PWP1: variants seen among roughly 807,000 people sequenced by gnomAD.
PWP1 encodes PWP1 homolog, endonuclein, also known as periodic tryptophan protein 1 homolog.
A neutral mutation model predicts 69.9 loss-of-function variants in PWP1; 47 were observed. That is an observed-to-expected ratio of 0.67 (90% confidence interval 0.53 to 0.86). PWP1 has a LOEUF of 0.86. Among genes scored for constraint, PWP1 ranks in the 40% least tolerant of loss-of-function variants. The pLI, the probability that PWP1 is intolerant of heterozygous loss-of-function variation, is 0.00. For synonymous variants in PWP1, 222 were observed against 208.2 expected, an observed-to-expected ratio of 1.07 and a Z score of -0.57; for missense variants, 551 against 608.8, an observed-to-expected ratio of 0.91 and a Z score of 1.00.
chr12:107,696,702 T>C (rs1435515024), intron 6 of PWP1, 118 bp downstream of exon 6: 1 of 1,461,480 alleles, frequency 6.8e-7, no homozygotes, highest in Non-Finnish European at 9.1e-7. Context: ...TTTCTGAAGT[T>C]ACTGTTATTT....
rs550596903 is a variant in PWP1 at position 107,705,987 on chromosome 12, A to G, written c.1077+1240A>G. Among the ~76,000 whole-genome samples the G allele has an allele frequency of 3.9e-5, 6 of 152,316 alleles. 1 individual carries two copies. Among genetic ancestry groups the G allele is most frequent in the African/African-American group, 1.2e-4 (5 of 41,566 alleles). On this transcript the variant is annotated intron_variant, in intron 11 of 14. Coordinates refer to ENST00000412830, the MANE Select transcript of PWP1 (RefSeq NM_007062.3). ...AGGAATTGCCATACTGTCTTCCACA[A>G]TGGTTGAACTAGTTTACAGTCCCAC...
chr12:107,691,909 G>A (rs987990818), intron 3 of PWP1, among the ~76,000 whole-genome samples: 7 of 152,194 alleles, frequency 4.6e-5, no homozygotes, highest in African/African-American at 1.7e-4. Context: ...CACAGCTGGT[G>A]AAAGACGGTG....
chr12:107,707,360 C>T (rs1889843816), intron 11 of PWP1, among the ~76,000 whole-genome samples: 1 of 152,104 alleles, frequency 6.6e-6, no homozygotes, highest in Admixed American at 6.5e-5. Flanking sequence ...AATTTGACTT[C>T]CTCTTTTCCT....
intron 11 of PWP1, among the ~76,000 whole-genome samples, chr12:107,708,055 G>C (rs557982576): frequency 6.6e-5 from 10 of 152,274 alleles, no homozygotes; most frequent in African/African-American, 2.4e-4. Flanking sequence ...TGCTGTTCTA[G>C]CCAGGCAGCC....
chr12:107,686,969 C>CAA (rs61728433), intron 1 of PWP1, among the ~76,000 whole-genome samples: 72 of 106,840 alleles, frequency 6.7e-4, no homozygotes, highest in Non-Finnish European at 8.6e-4. Context: ...GACTCCGTCT[C>CAA]AAAAAAAAAA....
intron 8 of PWP1, among the ~76,000 whole-genome samples, chr12:107,702,257 C>CT (rs1889728922): frequency 6.6e-6 from 1 of 150,452 alleles, no homozygotes; most frequent in Non-Finnish European, 1.5e-5. Context: ...TTTTTTAAGT[C>CT]TAATACTAAT....
In PWP1 at chr12:107,710,463, G is replaced by T; in HGVS notation, c.1349G>T (p.Gly450Val). Residue 450 changes from glycine to valine, a missense_variant, in exon 14 of 15, where the codon GGT (glycine) becomes GTT (valine). Physicochemically the swap from Gly to Val is moderately radical, Grantham distance 109 (BLOSUM62 -3). Transcript: ENST00000412830. ...PDLPFIYAFG[G>V]QKEGLRVWDI... is the part of the protein sequence containing the mutation. Reference sequence around the variant, plus strand: ...TTGCCATTTATTTATGCCTTTGGAGGTCAAAAAGAAGGGCTTCGGGTCTGG... The same window carrying T: ...TTGCCATTTATTTATGCCTTTGGAGTTCAAAAAGAAGGGCTTCGGGTCTGG... 1.2e-6 allele frequency: 2 copies of T among 1,600,196 alleles called. No homozygotes were observed. The highest frequency in any genetic ancestry group is 1.7e-6 in the Non-Finnish European group (2 of 1,171,260).
At chr12:107,688,157 A>G (rs1228806631) in intron 1 of PWP1, among the ~76,000 whole-genome samples, 2 of 151,908 alleles carry the variant, frequency 1.3e-5, no homozygotes, top group East Asian at 3.9e-4. Context: ...TTGGAAGAAA[A>G]CCAGACGAGT....
Position 107,699,365 on chromosome 12 carries a change from T to C in PWP1, c.745-8T>C. On this transcript the variant is annotated splice_polypyrimidine_tract_variant and splice_region_variant and intron_variant, in intron 7 of 14. Transcript: ENST00000412830. Reference sequence around the variant, plus strand: ...TAATACAAAAAATAATTAAAACAATTATTACAGAGTTCCTCAGCAGAAGGG... The same window carrying C: ...TAATACAAAAAATAATTAAAACAATCATTACAGAGTTCCTCAGCAGAAGGG... 6.2e-7 allele frequency: 1 copy of C among 1,606,238 alleles called. No individual in the cohort carries two copies. The highest frequency in any genetic ancestry group is 1.1e-5 in the South Asian group (1 of 90,094).
chr12:107,710,932 C>A (rs577650439), intron 14 of PWP1, among the ~76,000 whole-genome samples: 4 of 147,256 alleles, frequency 2.7e-5, no homozygotes, highest in Non-Finnish European at 6.0e-5. Flanking sequence ...GAGACCAGCT[C>A]GGTTGGGGAG....
chr12:107,695,153 C>G, intron 5 of PWP1, among the ~76,000 whole-genome samples: 1 of 150,852 alleles, frequency 6.6e-6, no homozygotes, highest in Non-Finnish European at 1.5e-5. Flanking sequence ...GTAGTCCCAG[C>G]TACTCGGGAG....
chr12:107,706,599 G>A (rs1889829357), intron 11 of PWP1, among the ~76,000 whole-genome samples: 1 of 152,196 alleles, frequency 6.6e-6, no homozygotes, highest in Admixed American at 6.5e-5. Context: ...AAGGGATCCA[G>A]TTTCAGCTTT....
rs1889890041 is a variant in PWP1, at chr12:107,709,134, A to G, written c.1192A>G (p.Lys398Glu). 1.2e-6 allele frequency: 2 copies of G among 1,613,884 alleles called. No individual in the cohort carries two copies. Among genetic ancestry groups the G allele is most frequent in the Non-Finnish European group, 8.5e-7 (1 of 1,179,938 alleles). The change falls in exon 13 of 15, where the codon AAG (lysine) becomes GAG (glutamate). Residue 398 changes from lysine to glutamate, a missense_variant. Physicochemically the swap from Lys to Glu is moderately conservative, Grantham distance 56. Transcript: ENST00000412830. Reference sequence around the variant, plus strand: ...AGGTCTTGATCTTAGCAGTCAAATCAAGGGCTGTCTCGTGACTGCTTCAGC... The same window carrying G: ...AGGTCTTGATCTTAGCAGTCAAATCGAGGGCTGTCTCGTGACTGCTTCAGC... ...ISGLDLSSQI[K>E]GCLVTASADK...
chr12:107,705,388 AAATTT>A (rs1207872080), intron 11 of PWP1, among the ~76,000 whole-genome samples: 4 of 148,574 alleles, frequency 2.7e-5, no homozygotes, highest in African/African-American at 9.9e-5. Flanking sequence ...TTTTTTTTTT[AAATTT>A]AAGTTCTAGG....
rs146687104 is a variant in PWP1 at position 107,697,143 on chromosome 12, A to G, written c.614-324A>G. Among the ~76,000 whole-genome samples, 849 of 152,238 alleles carry G rather than the reference A, an allele frequency of 5.6e-3. 13 individuals are homozygous for G. Among genetic ancestry groups the G allele is most frequent in the African/African-American group, 0.02 (812 of 41,548 alleles). The stretch of plus-strand genomic sequence containing the variant: ...CTGATCTTCATCCCCACAGCACCCC[A>G]TGAAGGAGGACGGGAGGAGGGTTAT... On this transcript the variant is annotated intron_variant, in intron 6 of 14. Transcript: ENST00000412830.
chr12:107,707,882 C>T (rs989143333), intron 11 of PWP1, among the ~76,000 whole-genome samples: 8 of 151,918 alleles, frequency 5.3e-5, no homozygotes, highest in Non-Finnish European at 1.0e-4. Flanking sequence ...GTGTCTCTGC[C>T]GGGCTTTGGT....
intron 1 of PWP1, among the ~76,000 whole-genome samples, chr12:107,686,404 G>A (rs1889366005): frequency 6.6e-6 from 1 of 152,246 alleles, no homozygotes; most frequent in Non-Finnish European, 1.5e-5. Context: ...GAAGGAGTGA[G>A]GATGAATGTG....
At chr12:107,708,345 G>A (rs1217324388) in intron 11 of PWP1, among the ~76,000 whole-genome samples, 1 of 152,046 alleles carries the variant, frequency 6.6e-6, no homozygotes, top group Non-Finnish European at 1.5e-5. Context: ...TTCTTGTACT[G>A]GCTGTTGCCC....
chr12:107,708,184 A>G (rs540349817), intron 11 of PWP1, among the ~76,000 whole-genome samples: 3 of 152,204 alleles, frequency 2.0e-5, no homozygotes, highest in Non-Finnish European at 2.9e-5. Context: ...AAATGGTCAT[A>G]TATATTAGAA....
Sources: allele counts gnomAD v4.1 joint callset (sites outside exome capture counted in the v4.1 genomes callset), GRCh38; gene constraint gnomAD v4.1.1; transcripts MANE v1.5; gene names NCBI Gene and HGNC (gene_info 2026-07-23, HGNC 2026-07-21).